ERICH3: variants seen among roughly 807,000 people sequenced by gnomAD.
ERICH3 encodes glutamate-rich protein 3.
Under a neutral mutation model 131.1 loss-of-function variants are expected in ERICH3, and 126 were observed. The ratio of observed to expected loss-of-function variants is 0.96; its 90% CI spans 0.83 to 1.11. ERICH3 has a LOEUF of 1.11. Among genes scored for constraint, ERICH3 ranks in the 50% most tolerant of loss-of-function variants. ERICH3 has a pLI of 0.00. For missense variants in ERICH3, 2,050 were observed against 1,810.7 expected (o/e 1.13, Z -2.40); for synonymous variants, 695 against 644.6 (o/e 1.08, Z -1.18).
chr1:74,660,790 C>T (rs868352449), intron 1 of ERICH3, among the ~76,000 whole-genome samples: 1 of 151,584 alleles, frequency 6.6e-6, no homozygotes, highest in Middle Eastern at 3.2e-3. Context: ...TCCACAAATG[C>T]TTATGAATGG....
chr1:74,628,598 T>TG (rs147277191), intron 7 of ERICH3, among the ~76,000 whole-genome samples: 2,948 of 152,102 alleles, frequency 0.019, 117 homozygotes, highest in African/African-American at 0.068. Flanking sequence ...TAGTTAAGTT[T>TG]GGGGGGAGTC....
intron 12 of ERICH3, among the ~76,000 whole-genome samples, chr1:74,578,747 G>A (rs371941298): frequency 3.4e-5 from 5 of 148,906 alleles, no homozygotes; most frequent in Non-Finnish European, 5.9e-5. Flanking sequence ...CTGTTACAAC[G>A]GATATAACGG....
chr1:74,629,769 C>T (rs1354458124), intron 7 of ERICH3, among the ~76,000 whole-genome samples: 1 of 152,184 alleles, frequency 6.6e-6, no homozygotes, highest in Non-Finnish European at 1.5e-5. Flanking sequence ...TTCTATTCAG[C>T]TTATTTTCTT....
At chr1:74,649,382 A>G (rs192815339) in intron 1 of ERICH3, 67 bp from the exon 2 acceptor site, 1 of 1,235,246 alleles carries the variant, frequency 8.1e-7, no homozygotes, top group South Asian at 1.2e-5. Flanking sequence ...GCAATTCTTT[A>G]CTGTTTCCCC....
At chr1:74,629,660 G>A (rs1020094436) in intron 7 of ERICH3, among the ~76,000 whole-genome samples, 7 of 152,072 alleles carry the variant, frequency 4.6e-5, no homozygotes, top group Admixed American at 3.3e-4. Context: ...CTAGGACCTC[G>A]CCAGATACCT....
chr1:74,614,648 G>T (rs1219756371), intron 8 of ERICH3, among the ~76,000 whole-genome samples: 2 of 150,324 alleles, frequency 1.3e-5, no homozygotes, highest in Admixed American at 1.3e-4. Context: ...CTGAACTCCA[G>T]CCTGGGAGTG....
At position 74,589,614 on chromosome 1, in the gene ERICH3, T is replaced by A; in HGVS notation, c.2176+17A>T. The A allele has an allele frequency of 6.2e-7, 1 of 1,610,076 alleles. No homozygotes were observed. The highest frequency in any genetic ancestry group is 2.2e-5 in the East Asian group (1 of 44,840). On this transcript the variant is annotated intron_variant, in intron 12 of 14. Coordinates refer to ENST00000326665, the MANE Select transcript of ERICH3 (RefSeq NM_001002912.5). ...TGCATGAGGATGATGGCAGCTCAAC[T>A]CAACGGCCATACTTACCACCTTCCT...
chr1:74,606,566 C>T (rs559768753), intron 10 of ERICH3, 35 bp downstream of exon 10: 6 of 1,549,736 alleles, frequency 3.9e-6, no homozygotes, highest in Non-Finnish European at 5.2e-6. Context: ...GAAACAGCCA[C>T]AGCTACAACA....
chr1:74,670,243 G>A (rs1646728501), intron 1 of ERICH3, among the ~76,000 whole-genome samples: 1 of 151,936 alleles, frequency 6.6e-6, no homozygotes. Flanking sequence ...ATACTTACAT[G>A]CAGCCATCCT....
At chr1:74,590,377 T>C (rs1284212572) in intron 11 of ERICH3, among the ~76,000 whole-genome samples, 1 of 152,134 alleles carries the variant, frequency 6.6e-6, no homozygotes, top group Non-Finnish European at 1.5e-5. Context: ...TTGTAATATA[T>C]AATGAAGTAA....
chr1:74,615,317 C>G (rs1430599766), intron 8 of ERICH3: 1 of 151,972 alleles, frequency 6.6e-6, no homozygotes, highest in African/African-American at 2.4e-5. Context: ...CTTGGTGAGT[C>G]ATTTAACTTT....
intron 7 of ERICH3, among the ~76,000 whole-genome samples, chr1:74,631,302 A>G (rs1018318558): frequency 1.3e-5 from 2 of 152,162 alleles, no homozygotes; most frequent in African/African-American, 4.8e-5. Context: ...TTATCTATGT[A>G]TGATACAGTA....
intron 1 of ERICH3, among the ~76,000 whole-genome samples, chr1:74,663,736 G>GA (rs11396671): frequency 0.45 from 68,526 of 150,910 alleles, 16,095 homozygotes; most frequent in Middle Eastern, 0.52. Context: ...TGCTAACACA[G>GA]AAAAAAATAA....
intron 7 of ERICH3, among the ~76,000 whole-genome samples, chr1:74,626,346 A>C (rs1649414745): frequency 6.6e-6 from 1 of 152,184 alleles, no homozygotes; most frequent in Non-Finnish European, 1.5e-5. Context: ...GTTGAATTTG[A>C]GGAGCAGTAG....
In ERICH3 at chr1:74,646,668, T is replaced by C. The variant is rs1646486823; in HGVS notation, c.242A>G (p.Glu81Gly). The C allele has an allele frequency of 3.0e-6, 4 of 1,315,042 alleles. No individual in the cohort carries two copies. Among genetic ancestry groups the C allele is most frequent in the Admixed American group, 2.5e-5 (1 of 40,470 alleles). The allele number at this position is 1,315,042 out of a possible 1,614,324, so 81.5% of individuals were successfully genotyped here. Reference sequence around the variant, plus strand: ...TAAAAAATAAGTATATATTTTTACCTCCATATCAAGAACTTTATGAAAAAT... The same window carrying C: ...TAAAAAATAAGTATATATTTTTACCCCCATATCAAGAACTTTATGAAAAAT... ...QAIFHKVLDM[E>G]RYHQLEIKKK... Residue 81 changes from glutamate to glycine, a missense_variant and splice_region_variant, in exon 3 of 15, where the codon GAG becomes GGG. Physicochemically the swap from Glu to Gly is moderately conservative, Grantham distance 98. Coordinates refer to ENST00000326665, the MANE Select transcript of ERICH3 (RefSeq NM_001002912.5).
Position 74,620,779 on chromosome 1 carries a change from C to A in ERICH3, c.955G>T (p.Gly319Cys). The A allele has an allele frequency of 6.2e-7, 1 of 1,612,746 alleles. No individual in the cohort carries two copies. Among genetic ancestry groups the A allele is most frequent in the African/African-American group, 1.3e-5 (1 of 74,934 alleles). The stretch of plus-strand genomic sequence containing the variant: ...TTGTAGACACAAAGGTTTTCCCCAC[C>A]ACAGTGCTGCTGATAAACTTTAATT... ...DEIKVYQQHCGGENLCVYKGK... is the reference protein window; with the variant it reads ...DEIKVYQQHCCGENLCVYKGK... The change falls in exon 8 of 15, where the codon GGT becomes TGT. Residue 319 changes from glycine to cysteine, a missense_variant. Transcript: ENST00000326665.
intron 11 of ERICH3, among the ~76,000 whole-genome samples, chr1:74,594,035 G>GT (rs1339171158): frequency 6.6e-6 from 1 of 151,904 alleles, no homozygotes; most frequent in African/African-American, 2.4e-5. Flanking sequence ...GTCTGTCCTT[G>GT]TTTTTTTATC....
chr1:74,623,324 A>G (rs1557688378), intron 7 of ERICH3: 2 of 152,206 alleles, frequency 1.3e-5, no homozygotes, highest in Admixed American at 1.3e-4. Context: ...TGGTTAACCC[A>G]TCAGTCATTA....
At chr1:74,600,886 G>A (rs4338312) in intron 10 of ERICH3, among the ~76,000 whole-genome samples, 111 of 151,674 alleles carry the variant, frequency 7.3e-4, no homozygotes, top group Admixed American at 1.4e-3. Context: ...TTAGTTATTA[G>A]CTATTCTGGC....
Sources: gnomAD v4.1 joint callset for allele counts (sites outside exome capture counted in the v4.1 genomes callset) on GRCh38, gnomAD v4.1.1 for gene constraint, MANE v1.5 for transcripts, NCBI Gene and HGNC (gene_info 2026-07-23, HGNC 2026-07-21) for gene names.